HSD17B12: variants seen among roughly 807,000 people sequenced by gnomAD.
HSD17B12 encodes very-long-chain 3-oxoacyl-CoA reductase.
In HSD17B12, 32 loss-of-function variants were observed where a neutral mutation model predicts 39.3. The observed-to-expected ratio is 0.81, with a 90% CI of 0.61 to 1.09. The LOEUF (loss-of-function observed/expected upper bound fraction) is 1.09. Ranked by LOEUF, HSD17B12 falls within the 50% of genes least tolerant of loss-of-function variation. HSD17B12 has a pLI of 0.00. For missense variants in HSD17B12, 342 were observed against 382.9 expected (o/e 0.89, Z 0.89); for synonymous variants, 150 against 146.7 (o/e 1.02, Z -0.16).
chr11:43,762,204 T>C (rs1267117646), intron 3 of HSD17B12, among the ~76,000 whole-genome samples: 1 of 152,182 alleles, frequency 6.6e-6, no homozygotes, highest in Non-Finnish European at 1.5e-5. Context: ...TCTCAAAATA[T>C]TAAGTTTTTT....
chr11:43,585,798 T>C, the HSD17B12 span, among the ~76,000 whole-genome samples: 1 of 152,344 alleles, frequency 6.6e-6, no homozygotes, highest in East Asian at 1.9e-4. Context: ...TAACCGATAG[T>C]TCAGTTGCAC....
the HSD17B12 span, among the ~76,000 whole-genome samples, chr11:43,649,125 A>G: frequency 6.6e-6 from 1 of 151,018 alleles, no homozygotes; most frequent in Non-Finnish European, 1.5e-5. Flanking sequence ...TTTTTTTTTT[A>G]ATTATTAACC....
intron 9 of HSD17B12, among the ~76,000 whole-genome samples, chr11:43,847,568 G>A (rs570279698): frequency 2.3e-4 from 35 of 151,980 alleles, no homozygotes; most frequent in Non-Finnish European, 4.0e-4. Context: ...TTAGCTGGGC[G>A]TGGTGGTGCA....
intron 7 of HSD17B12, among the ~76,000 whole-genome samples, chr11:43,834,887 T>G (rs1951354061): frequency 7.1e-6 from 1 of 140,462 alleles, no homozygotes; most frequent in Non-Finnish European, 1.5e-5. Context: ...TGCTTTGGGT[T>G]TTTTCGCAAC....
chr11:43,716,593 A>G (rs1950125389), intron 1 of HSD17B12, among the ~76,000 whole-genome samples: 2 of 151,828 alleles, frequency 1.3e-5, no homozygotes, highest in South Asian at 4.1e-4. Flanking sequence ...CTTGCTATTC[A>G]TGTAGATTTC....
At chr11:43,621,480 C>T in the HSD17B12 span, among the ~76,000 whole-genome samples, 6 of 152,124 alleles carry the variant, frequency 3.9e-5, no homozygotes, top group East Asian at 1.9e-4. Flanking sequence ...TTTGGGAGGC[C>T]GAGGTGGGAG....
At chr11:43,806,106 G>A (rs1951015819) in intron 4 of HSD17B12, 1 of 152,160 alleles carries the variant, frequency 6.6e-6, no homozygotes, top group Non-Finnish European at 1.5e-5. Flanking sequence ...GCATCCTTGT[G>A]TTCATCCACA....
At chr11:43,740,386 T>C (rs543191547) in intron 1 of HSD17B12, among the ~76,000 whole-genome samples, 1 of 152,314 alleles carries the variant, frequency 6.6e-6, no homozygotes, top group South Asian at 2.1e-4. Flanking sequence ...TATTGACCGT[T>C]TACGCTTACT....
chr11:43,584,619 G>A, the HSD17B12 span: 1 of 152,262 alleles, frequency 6.6e-6, no homozygotes, highest in Admixed American at 6.5e-5. Flanking sequence ...TGAAGGAGGA[G>A]TTCTCAAAGG....
chr11:43,819,371 A>G (rs143108639), intron 6 of HSD17B12, among the ~76,000 whole-genome samples: 2 of 152,304 alleles, frequency 1.3e-5, no homozygotes, highest in East Asian at 3.9e-4. Context: ...ATCTGTGAGA[A>G]TCAGTCATCC....
intron 1 of HSD17B12, among the ~76,000 whole-genome samples, chr11:43,688,330 A>G (rs1302487112): frequency 1.3e-5 from 2 of 152,170 alleles, no homozygotes; most frequent in African/African-American, 2.4e-5. Flanking sequence ...TCTGGGGGAA[A>G]AGTCTGATCA....
At chr11:43,642,554 G>A in the HSD17B12 span, among the ~76,000 whole-genome samples, 3 of 151,584 alleles carry the variant, frequency 2.0e-5, no homozygotes, top group South Asian at 2.1e-4. Flanking sequence ...TTTCTGACTT[G>A]TTTTTGAGCC....
chr11:43,660,000 A>T, the HSD17B12 span, among the ~76,000 whole-genome samples: 2 of 152,048 alleles, frequency 1.3e-5, no homozygotes, highest in Non-Finnish European at 2.9e-5. Flanking sequence ...AAATCACTCC[A>T]CGCCTGCTAG....
chr11:43,684,427 G>T (rs1008345606), intron 1 of HSD17B12, among the ~76,000 whole-genome samples: 3 of 152,246 alleles, frequency 2.0e-5, no homozygotes, highest in African/African-American at 7.2e-5. Context: ...TGTAGAATGT[G>T]GTTTGACCAT....
intron 3 of HSD17B12, among the ~76,000 whole-genome samples, chr11:43,777,784 A>G (rs1337349665): frequency 1.3e-5 from 2 of 152,216 alleles, no homozygotes; most frequent in Non-Finnish European, 2.9e-5. Context: ...ACGTCCCACA[A>G]TGAGAACAAA....
chr11:43,796,432 G>T (rs1950917083), intron 3 of HSD17B12, among the ~76,000 whole-genome samples: 1 of 152,170 alleles, frequency 6.6e-6, no homozygotes, highest in African/African-American at 2.4e-5. Flanking sequence ...CACTGTATTA[G>T]TACATGATTC....
At chr11:43,793,565 G>T (rs970398047) in intron 3 of HSD17B12, among the ~76,000 whole-genome samples, 4 of 152,188 alleles carry the variant, frequency 2.6e-5, no homozygotes, top group African/African-American at 9.7e-5. Flanking sequence ...TGAGCAAAAT[G>T]AAAATGATGA....
the HSD17B12 span, among the ~76,000 whole-genome samples, chr11:43,651,082 A>G: frequency 6.6e-6 from 1 of 152,224 alleles, no homozygotes; most frequent in African/African-American, 2.4e-5. Context: ...TACCATGCAT[A>G]ATGTTTGAGA....
upstream of HSD17B12, among the ~76,000 whole-genome samples, chr11:43,676,208 GGTGTGTGTGT>G (rs56092553): frequency 6.8e-6 from 1 of 147,626 alleles, no homozygotes; most frequent in Non-Finnish European, 1.5e-5. Context: ...AGAGGAAGAG[GGTGTGTGTGT>G]GTGTGTGTGT....
Sources: gnomAD v4.1 joint callset for allele counts (sites outside exome capture counted in the v4.1 genomes callset) on GRCh38, gnomAD v4.1.1 for gene constraint, MANE v1.5 for transcripts, NCBI Gene and HGNC (gene_info 2026-07-23, HGNC 2026-07-21) for gene names.